TDRD5: variants seen among roughly 807,000 people sequenced by gnomAD.
The protein encoded by TDRD5 is tudor domain-containing protein 5.
Under a neutral mutation model 120.6 loss-of-function variants are expected in TDRD5, and 41 were observed. The ratio of observed to expected loss-of-function variants is 0.34; its 90% CI spans 0.26 to 0.44. The LOEUF is 0.44. Ranked by LOEUF, TDRD5 falls within the 20% of genes least tolerant of loss-of-function variation. The pLI is 1.00. For synonymous variants in TDRD5, 430 were observed against 433.7 expected (o/e 0.99, Z 0.11); for missense variants, 1,006 against 1,221.2 (o/e 0.82, Z 2.63).
intron 6 of TDRD5, among the ~76,000 whole-genome samples, chr1:179,625,995 A>G (rs907835800): frequency 6.6e-6 from 1 of 151,776 alleles, no homozygotes. Context: ...ATTCTCACTC[A>G]TAGGTGGGAA....
intron 4 of TDRD5, among the ~76,000 whole-genome samples, chr1:179,597,846 A>G (rs987801935): frequency 6.6e-6 from 1 of 152,086 alleles, no homozygotes; most frequent in Non-Finnish European, 1.5e-5. Flanking sequence ...CACCTCACAC[A>G]TGTGTAGTTC....
chr1:179,631,255 G>T (rs1357378334), intron 7 of TDRD5, among the ~76,000 whole-genome samples: 2 of 152,116 alleles, frequency 1.3e-5, no homozygotes, highest in Non-Finnish European at 2.9e-5. Flanking sequence ...AGCCAGGCGT[G>T]GTGGTGGGCG....
chr1:179,624,141 G>A (rs536780259), intron 6 of TDRD5, among the ~76,000 whole-genome samples: 1 of 152,178 alleles, frequency 6.6e-6, no homozygotes, highest in Non-Finnish European at 1.5e-5. Context: ...AGGAATTAAG[G>A]CAATTCACCA....
At chr1:179,675,969 G>T (rs1376905974) in intron 17 of TDRD5, among the ~76,000 whole-genome samples, 1 of 152,102 alleles carries the variant, frequency 6.6e-6, no homozygotes, top group Non-Finnish European at 1.5e-5. Flanking sequence ...CACTGCTATT[G>T]TGTTGCCGTC....
chr1:179,638,177 G>T lies in TDRD5; in HGVS notation c.1521-1662G>T, dbSNP rs182424139. Reference sequence around the variant, plus strand: ...GGAAGATGTTTTCTCTTATTCTGGGGAAGCACTGATGGTTTTAAGAAAGCC... The same window carrying T: ...GGAAGATGTTTTCTCTTATTCTGGGTAAGCACTGATGGTTTTAAGAAAGCC... On this transcript the variant is annotated intron_variant, in intron 9 of 17. Transcript: ENST00000444136. 1.1e-4 allele frequency among the ~76,000 whole-genome samples: 14 copies of T among 131,718 alleles called. 2 individuals carry two copies. Among genetic ancestry groups the T allele is most frequent in the African/African-American group, 3.5e-4 (13 of 37,388 alleles). 86.4% of individuals were successfully genotyped at this position (131,718 alleles called of 152,430 possible). A position where few individuals can be genotyped will look rare whatever the true frequency, so the allele number is the denominator to read the frequency against.
chr1:179,637,773 T>A (rs1312483460), intron 9 of TDRD5, among the ~76,000 whole-genome samples: 1 of 152,146 alleles, frequency 6.6e-6, no homozygotes, highest in African/African-American at 2.4e-5. Context: ...GTTGAGGCAC[T>A]TGTGCTACAA....
At chr1:179,653,635 CA>C (rs376502780) in intron 13 of TDRD5, among the ~76,000 whole-genome samples, 2 of 152,208 alleles carry the variant, frequency 1.3e-5, no homozygotes, top group African/African-American at 4.8e-5. Flanking sequence ...TTGGTGTCTT[CA>C]AATAATCATA....
At chr1:179,656,590 A>T (rs1183947847) in intron 14 of TDRD5, among the ~76,000 whole-genome samples, 5 of 152,220 alleles carry the variant, frequency 3.3e-5, no homozygotes. Flanking sequence ...TGACAAGACT[A>T]TCCTATCTCC....
intron 4 of TDRD5, among the ~76,000 whole-genome samples, chr1:179,616,980 G>A (rs1676594726): frequency 1.3e-5 from 2 of 152,156 alleles, no homozygotes; most frequent in African/African-American, 4.8e-5. Flanking sequence ...CCTTCGGATG[G>A]AAAGATCAGT....
At chr1:179,662,391 A>G (rs905175433) in intron 15 of TDRD5, 105 bp downstream of exon 15, 1 of 1,250,428 alleles carries the variant, frequency 8.0e-7, no homozygotes, top group Non-Finnish European at 1.1e-6. Flanking sequence ...AGTTGAGCTC[A>G]GGAGTTCATG....
chr1:179,625,962 G>C (rs1267441736), intron 6 of TDRD5, among the ~76,000 whole-genome samples: 1 of 150,864 alleles, frequency 6.6e-6, no homozygotes, highest in Non-Finnish European at 1.5e-5. Context: ...ACCATCGCAA[G>C]AACAAAAAAC....
At chr1:179,625,929 T>C (rs971990407) in intron 6 of TDRD5, among the ~76,000 whole-genome samples, 5 of 151,884 alleles carry the variant, frequency 3.3e-5, no homozygotes, top group South Asian at 2.1e-4. Flanking sequence ...ATGGATGAAA[T>C]TGGAAATCAT....
chr1:179,622,841 A>C (rs905347555), intron 6 of TDRD5, among the ~76,000 whole-genome samples: 24 of 152,194 alleles, frequency 1.6e-4, no homozygotes, highest in African/African-American at 5.5e-4. Flanking sequence ...ATTTGAAAAA[A>C]TAATGGCCCA....
chr1:179,633,243 C>G (rs1262642054), intron 7 of TDRD5, among the ~76,000 whole-genome samples: 1 of 152,030 alleles, frequency 6.6e-6, no homozygotes, highest in East Asian at 1.9e-4. Context: ...AGGATTGTTC[C>G]CATTTTTTCA....
At chr1:179,681,926 GTTTTTC>G (rs1340366308) in intron 17 of TDRD5, among the ~76,000 whole-genome samples, 9 of 115,128 alleles carry the variant, frequency 7.8e-5, no homozygotes, top group East Asian at 5.4e-4. Flanking sequence ...AATTCAGTGT[GTTTTTC>G]TTTTTCTTTT....
At chr1:179,620,297 A>G (rs1223862204) in intron 5 of TDRD5, among the ~76,000 whole-genome samples, 1 of 152,158 alleles carries the variant, frequency 6.6e-6, no homozygotes, top group Non-Finnish European at 1.5e-5. Flanking sequence ...AATTTAGAAA[A>G]CAAAGATTTT....
At chr1:179,603,457 C>T (rs1039508646) in intron 4 of TDRD5, among the ~76,000 whole-genome samples, 2 of 152,110 alleles carry the variant, frequency 1.3e-5, no homozygotes, top group African/African-American at 4.8e-5. Context: ...CATCTTCCAG[C>T]TCTCAGAGGG....
At position 179,630,838 on chromosome 1, in the gene TDRD5, T is replaced by C. The variant is rs1235162058; in HGVS notation, c.1044T>C (p.Leu348=). The change falls in exon 7 of 18, where the codon CTT becomes CTC. Residue 348 remains leucine (L), a synonymous_variant. Coordinates refer to ENST00000444136, the MANE Select transcript of TDRD5 (RefSeq NM_001199085.3). ...FLNVTELVGA[L]SDILHVEFRK... is the part of the protein sequence containing the mutation. ...ATGTGACAGAACTTGTTGGAGCTCT[T>C]AGTGACATTCTCCATGTTGAGTTCA... is the stretch of plus-strand genomic sequence containing the variant. 6.2e-7 allele frequency: 1 copy of C among 1,614,022 alleles called. No homozygotes were observed. Among genetic ancestry groups the C allele is most frequent in the Non-Finnish European group, 8.5e-7 (1 of 1,180,006 alleles).
At position 179,628,324 on chromosome 1, in the gene TDRD5, C is replaced by CTTTTTTTTTTT. The variant is rs71569258; in HGVS notation, c.973-2427_973-2417dup. Reference sequence around the variant, plus strand: ...TTATTTATTTCTTTTCTTTTCTTTTCTTTTTTTTTTTTTTTTTTTTTTTTT... The same window carrying CTTTTTTTTTTT: ...TTATTTATTTCTTTTCTTTTCTTTTCTTTTTTTTTTTTTTTTTTTTTTTTTTTTTTTTTTTT... On this transcript the variant is annotated intron_variant, in intron 6 of 17. Transcript: ENST00000444136. 1.0e-3 allele frequency among the ~76,000 whole-genome samples: 56 copies of CTTTTTTTTTTT among 54,626 alleles called. 1 individual carries two copies. Among genetic ancestry groups the CTTTTTTTTTTT allele is most frequent in the African/African-American group, 3.1e-3 (43 of 13,708 alleles). The allele number at this position is 54,626 out of a possible 152,430, so 35.8% of individuals were successfully genotyped here.
Sources: allele counts gnomAD v4.1 joint callset (sites outside exome capture counted in the v4.1 genomes callset), GRCh38; gene constraint gnomAD v4.1.1; transcripts MANE v1.5; gene names NCBI Gene and HGNC (gene_info 2026-07-23, HGNC 2026-07-21).